The following CHD8 variants were observed in gnomAD, a reference collection of about 807,000 sequenced individuals.
The protein encoded by CHD8 is ATP-dependent chromatin remodeler CHD8.
A neutral mutation model predicts 279.2 loss-of-function variants in CHD8; 31 were observed. That is an observed-to-expected ratio of 0.11 (90% CI 0.08 to 0.15). The LOEUF (loss-of-function observed/expected upper bound fraction) is 0.15. Among genes scored for constraint, CHD8 ranks in the 10% least tolerant of loss-of-function variants. The probability of loss-of-function intolerance (pLI) is 1.00; values close to 1 mark genes in which losing one functional copy is unlikely to be tolerated. For synonymous variants in CHD8, 1,081 were observed against 1,139.6 expected (o/e 0.95, Z 1.04); for missense variants, 2,146 against 3,230.5 (o/e 0.66, Z 8.14).
Position 21,433,003 on chromosome 14 carries a change from C to T in CHD8, c.-215-1145G>A, listed in dbSNP as rs191831081. Among the ~76,000 whole-genome samples the T allele has an allele frequency of 7.3e-3, 1,116 of 152,254 alleles. 10 individuals carry two copies. The highest frequency in any genetic ancestry group is 0.024 in the Middle Eastern group (7 of 292). ...ATTTGTTATGAATGTATGCAATGTA[C>T]ACCCTCCACAACTCTGTACCATGGC... is the stretch of plus-strand genomic sequence containing the variant. On this transcript the variant is annotated intron_variant, in intron 1 of 37. Transcript: ENST00000646647.
chr14:21,397,158 C>T (rs576737062), intron 27 of CHD8: 22 of 266,850 alleles, frequency 8.2e-5, no homozygotes, highest in African/African-American at 4.8e-4. Context: ...GTGGCATAAA[C>T]GATTTGCAAT....
chr14:21,401,564 G>A, intron 20 of CHD8, 51 bp from the exon 21 acceptor site: 3 of 1,068,442 alleles, frequency 2.8e-6, no homozygotes, highest in Non-Finnish European at 4.1e-6. Context: ...TTTAAGTGGT[G>A]CAAAATCAGC....
intron 4 of CHD8, 37 bp downstream of exon 4, chr14:21,427,832 T>C (rs1227334921): frequency 6.2e-7 from 1 of 1,601,562 alleles, no homozygotes; most frequent in Non-Finnish European, 8.5e-7. Flanking sequence ...TTGAGCTTAC[T>C]CTTGCACGTC....
chr14:21,430,614 A>T (rs1409243275), intron 2 of CHD8, 187 bp downstream of exon 2: 3 of 573,964 alleles, frequency 5.2e-6, no homozygotes, highest in Non-Finnish European at 9.3e-6. Flanking sequence ...GAGCTCAAAA[A>T]ATATGTTAAC....
At position 21,436,914 on chromosome 14, in the gene CHD8, C is replaced by T. The variant is rs1369960544; in HGVS notation, c.-215-5056G>A. The T allele has an allele frequency of 3.9e-6, 5 of 1,285,878 alleles. No individual in the cohort carries two copies. The African/African-American group carries it at 4.6e-5, about 12-fold the overall frequency. The allele number at this position is 1,285,878 out of a possible 1,614,324, so 79.7% of individuals were successfully genotyped here. ...CGGGTACATTACCTGCTCATACTGC[C>T]GGGGTTGGTGCCAGTAAGGTCCATA... On this transcript the variant is annotated intron_variant, in intron 1 of 37. Transcript: ENST00000646647.
At chr14:21,432,322 G>A (rs1889598070) in intron 1 of CHD8, among the ~76,000 whole-genome samples, 1 of 151,678 alleles carries the variant, frequency 6.6e-6, no homozygotes, top group South Asian at 2.1e-4. Flanking sequence ...CTTACTATTG[G>A]CAAAAATAAC....
At chr14:21,435,732 T>C (rs561748774) in intron 1 of CHD8, among the ~76,000 whole-genome samples, 56 of 152,344 alleles carry the variant, frequency 3.7e-4, no homozygotes, top group African/African-American at 1.2e-3. Flanking sequence ...ATTTTATATT[T>C]ATCAAGTGAA....
At chr14:21,446,499 C>T (rs141609121) in intron 1 of CHD8, among the ~76,000 whole-genome samples, 2,479 of 152,058 alleles carry the variant, frequency 0.016, 57 homozygotes, top group African/African-American at 0.057. Context: ...TTGGTAGAGA[C>T]GGGGTTTCGC....
At chr14:21,406,603 A>T in intron 14 of CHD8, among the ~76,000 whole-genome samples, 1 of 152,204 alleles carries the variant, frequency 6.6e-6, no homozygotes, top group East Asian at 1.9e-4. Flanking sequence ...TAAGTTTTGG[A>T]GTATTTTGTT....
chr14:21,453,064 T>C (rs1169083425), intron 1 of CHD8, among the ~76,000 whole-genome samples: 8 of 151,412 alleles, frequency 5.3e-5, no homozygotes, highest in Non-Finnish European at 1.0e-4. Context: ...ATCCCAGCAC[T>C]TCGGGAGGCC....
intron 28 of CHD8, 118 bp from the exon 29 acceptor site, chr14:21,395,470 T>G (rs1045100115): frequency 1.0e-5 from 7 of 693,828 alleles, no homozygotes; most frequent in African/African-American, 1.8e-5. Flanking sequence ...CAAGAAAAAC[T>G]TCTAAAGAAA....
At chr14:21,391,776 T>C in intron 35 of CHD8, 57 bp downstream of exon 35, 1 of 1,530,720 alleles carries the variant, frequency 6.5e-7, no homozygotes. Context: ...CTTCATCAAT[T>C]ATTGGGAATA....
At chr14:21,425,036 C>A (rs552287983) in intron 5 of CHD8, among the ~76,000 whole-genome samples, 2 of 152,248 alleles carry the variant, frequency 1.3e-5, no homozygotes, top group East Asian at 3.9e-4. Flanking sequence ...AAAGATGGTA[C>A]CATAAGGCAA....
chr14:21,388,829 G>C (rs897534223), intron 37 of CHD8, among the ~76,000 whole-genome samples: 2 of 151,974 alleles, frequency 1.3e-5, no homozygotes, highest in African/African-American at 4.8e-5. Context: ...ATGGATTTTG[G>C]TATCTGCAGG....
At chr14:21,397,101 G>T in intron 27 of CHD8, 1 of 191,848 alleles carries the variant, frequency 5.2e-6, no homozygotes, top group Non-Finnish European at 1.1e-5. Flanking sequence ...TCATTTGTAT[G>T]GTTCACGCTT....
chr14:21,410,000 G>A lies in CHD8; in HGVS notation c.2227-12C>T. 6.3e-7 allele frequency: 1 copy of A among 1,599,050 alleles called. No homozygotes were observed. The highest frequency in any genetic ancestry group is 8.5e-7 in the Non-Finnish European group (1 of 1,173,066). On this transcript the variant is annotated splice_polypyrimidine_tract_variant and intron_variant, in intron 10 of 37. Transcript: ENST00000646647. ...TAGTAAATAACGGGCTAGGAGAGAA[G>A]AAACCAAAGCCTTAAGAAACTGATT...
At position 21,403,583 on chromosome 14, in the gene CHD8, G is replaced by A. The variant is rs376815460; in HGVS notation, c.3388C>T (p.Arg1130Cys). 1.2e-6 allele frequency: 2 copies of A among 1,612,292 alleles called. No individual in the cohort carries two copies. Among genetic ancestry groups the A allele is most frequent in the Non-Finnish European group, 1.7e-6 (2 of 1,179,124 alleles). Residue 1130 changes from arginine (R) to cysteine (C), a missense_variant, in exon 17 of 38, where the codon CGT becomes TGT. By Grantham distance (180) the Arg-to-Cys change is radical. Transcript: ENST00000646647. This position sits in a 1 kb window ranked among gnomAD's most constrained non-coding sequence, Gnocchi z 4.3. ...PHDFHLQAMV[R>C]SAGKLVLIDK... ...ATAAGAACCAGTTTGCCGGCTGAAC[G>A]AACCATGGCCTGCAGGTGAAAGTCA...
intron 5 of CHD8, among the ~76,000 whole-genome samples, chr14:21,422,479 CA>C (rs150222720): frequency 0.022 from 3,394 of 152,306 alleles, 135 homozygotes; most frequent in African/African-American, 0.077. Context: ...AAATTTCCTT[CA>C]TTTTTTTTGT....
intron 1 of CHD8, among the ~76,000 whole-genome samples, chr14:21,443,882 A>C (rs1890051150): frequency 2.0e-5 from 3 of 151,216 alleles, no homozygotes; most frequent in South Asian, 4.2e-4. Flanking sequence ...AAAAAAAACA[A>C]CACTTTAAAA....
Sources: allele counts gnomAD v4.1 joint callset (sites outside exome capture counted in the v4.1 genomes callset), GRCh38; gene constraint gnomAD v4.1.1; non-coding constraint Gnocchi (gnomAD v3.1); transcripts MANE v1.5; gene names NCBI Gene and HGNC (gene_info 2026-07-23, HGNC 2026-07-21).